Variants in ANO5 observed in about 807,000 individuals in gnomAD.
ANO5 encodes anoctamin 5.
A neutral mutation model predicts 121.0 loss-of-function variants in ANO5; 109 were observed. That is an observed-to-expected ratio of 0.90 (90% CI 0.77 to 1.06). ANO5 has a LOEUF of 1.06. ANO5 is among the 50% of genes least tolerant of loss of function. The pLI is 0.00. For synonymous variants in ANO5, 406 were observed against 359.9 expected, an observed-to-expected ratio of 1.13 and a Z score of -1.45; for missense variants, 1,064 against 1,078.5, an observed-to-expected ratio of 0.99 and a Z score of 0.19.
chr11:22,236,092 T>C (rs1853206742), intron 7 of ANO5, 71 bp from the exon 8 acceptor site: 5 of 995,900 alleles, frequency 5.0e-6, no homozygotes, highest in Non-Finnish European at 8.0e-6. Context: ...ATTGTTAAAT[T>C]GTGATTGAAA....
At position 22,263,017 on chromosome 11, in the gene ANO5, T is replaced by C. The variant is rs758833929; in HGVS notation, c.1872T>C (p.Phe624=). 6.2e-7 allele frequency: 1 copy of C among 1,613,354 alleles called. No individual in the cohort carries two copies. The highest frequency in any genetic ancestry group is 8.5e-7 in the Non-Finnish European group (1 of 1,179,460). The change falls in exon 17 of 22, where the codon TTT becomes TTC. Residue 624 remains phenylalanine (F), a synonymous_variant. Transcript: ENST00000324559. ...LTIIMTGKQI[F]GNIKEAIYPL... is the part of the protein sequence containing the mutation. ...TTATAATGACCGGGAAACAGATTTT[T>C]GGAAACATTAAAGAAGCCATTTATC...
chr11:22,236,311 A>T (rs749462414), intron 8 of ANO5, 35 bp downstream of exon 8: 14 of 1,510,180 alleles, frequency 9.3e-6, no homozygotes, highest in Non-Finnish European at 1.3e-5. Flanking sequence ...ATCTGAGCTT[A>T]TTTTCCTCCT....
intron 3 of ANO5, among the ~76,000 whole-genome samples, chr11:22,212,384 T>G (rs1852310058): frequency 6.6e-6 from 1 of 152,036 alleles, no homozygotes; most frequent in Non-Finnish European, 1.5e-5. Context: ...TGGTTTATTT[T>G]TCCAATGCTA....
intron 21 of ANO5, among the ~76,000 whole-genome samples, chr11:22,276,555 T>C (rs1249159673): frequency 2.6e-5 from 4 of 151,794 alleles, no homozygotes; most frequent in Non-Finnish European, 4.4e-5. Context: ...TTAGACCTTA[T>C]CGCTCACCTT....
intron 21 of ANO5, among the ~76,000 whole-genome samples, chr11:22,277,202 A>AAG (rs1475140639): frequency 1.3e-5 from 2 of 151,610 alleles, no homozygotes; most frequent in African/African-American, 4.8e-5. Context: ...CACAGACAGA[A>AAG]AGAGAGAGGG....
chr11:22,194,096 AGCT>A (rs568680135), intron 1 of ANO5, among the ~76,000 whole-genome samples: 23 of 152,158 alleles, frequency 1.5e-4, no homozygotes, highest in Middle Eastern at 3.4e-3. Flanking sequence ...CACTTGGAAA[AGCT>A]GCTGCTGCTG....
chr11:22,238,605 T>G (rs1403345236), intron 8 of ANO5, among the ~76,000 whole-genome samples: 1 of 152,142 alleles, frequency 6.6e-6, no homozygotes, highest in African/African-American at 2.4e-5. Context: ...CTTTTTTGGT[T>G]GTTTAATTTC....
At chr11:22,279,392 A>T in intron 21 of ANO5, 152 bp from the exon 22 acceptor site, 1 of 648,792 alleles carries the variant, frequency 1.5e-6, no homozygotes, top group Non-Finnish European at 2.7e-6. Flanking sequence ...TCTTTGTATG[A>T]AAGTTCTAGG....
chr11:22,239,060 A>G (rs1337788875), intron 8 of ANO5, among the ~76,000 whole-genome samples: 2 of 152,162 alleles, frequency 1.3e-5, no homozygotes, highest in Non-Finnish European at 2.9e-5. Flanking sequence ...AGCAATACCA[A>G]GCCCCTTAAA....
chr11:22,241,405 T>A (rs1374371445), intron 9 of ANO5, among the ~76,000 whole-genome samples: 1 of 151,982 alleles, frequency 6.6e-6, no homozygotes, highest in Non-Finnish European at 1.5e-5. Context: ...TTTGAGCATA[T>A]GCCCAGTAAT....
chr11:22,237,771 C>T (rs557186026), intron 8 of ANO5, among the ~76,000 whole-genome samples: 1 of 151,946 alleles, frequency 6.6e-6, no homozygotes, highest in Non-Finnish European at 1.5e-5. Context: ...ATTAGAAAAA[C>T]CAAACAGCCT....
chr11:22,257,785 T>G, intron 14 of ANO5, 31 bp downstream of exon 14: 1 of 1,551,964 alleles, frequency 6.4e-7, no homozygotes, highest in Non-Finnish European at 8.9e-7. Context: ...TGCTATAATT[T>G]CTTCAACAGG....
At chr11:22,271,004 G>A (rs546820573) in intron 18 of ANO5, among the ~76,000 whole-genome samples, 4 of 152,162 alleles carry the variant, frequency 2.6e-5, no homozygotes, top group African/African-American at 9.7e-5. Context: ...TGCTTATATG[G>A]TCTGCTCAGA....
At chr11:22,213,884 G>A (rs1852359001) in intron 3 of ANO5, among the ~76,000 whole-genome samples, 1 of 135,224 alleles carries the variant, frequency 7.4e-6, no homozygotes, top group Non-Finnish European at 1.6e-5. Flanking sequence ...TGGAAGTGGT[G>A]TTTTGTTTTT....
chr11:22,204,637 C>T (rs980569382), intron 2 of ANO5, among the ~76,000 whole-genome samples: 6 of 151,950 alleles, frequency 3.9e-5, no homozygotes, highest in Non-Finnish European at 5.9e-5. Flanking sequence ...TACAGGGTTC[C>T]TTTAAAAGTT....
intron 3 of ANO5, among the ~76,000 whole-genome samples, chr11:22,212,203 G>C (rs149314790): frequency 0.01 from 1,545 of 151,918 alleles, 20 homozygotes; most frequent in Admixed American, 0.027. Context: ...CTTGGAAGGG[G>C]TAGATGCAAG....
chr11:22,238,989 C>A (rs571468443), intron 8 of ANO5, among the ~76,000 whole-genome samples: 1 of 152,140 alleles, frequency 6.6e-6, no homozygotes, highest in African/African-American at 2.4e-5. Context: ...TTTGCTAGGC[C>A]ATGAAAAGAT....
intron 16 of ANO5, 87 bp downstream of exon 16, chr11:22,262,385 TA>T: frequency 7.0e-7 from 1 of 1,426,832 alleles, no homozygotes; most frequent in Non-Finnish European, 9.7e-7. Context: ...ATTCACATGC[TA>T]AAAAATTACA....
chr11:22,232,088 G>A (rs1445239459), intron 7 of ANO5, among the ~76,000 whole-genome samples: 2 of 151,832 alleles, frequency 1.3e-5, no homozygotes, highest in Non-Finnish European at 2.9e-5. Context: ...AGATTAGTTT[G>A]GCTTGTTTTT....
Sources: allele counts gnomAD v4.1 joint callset (sites outside exome capture counted in the v4.1 genomes callset), GRCh38; gene constraint gnomAD v4.1.1; transcripts MANE v1.5; gene names NCBI Gene and HGNC (gene_info 2026-07-23, HGNC 2026-07-21).